PIK3R5: variants seen among roughly 807,000 people sequenced by gnomAD.
PIK3R5 encodes phosphoinositide 3-kinase regulatory subunit 5.
PIK3R5 carries 32 observed loss-of-function variants against 94.9 expected under a neutral mutation model. The observed-to-expected ratio is 0.34, with a 90% CI of 0.25 to 0.45. The LOEUF is 0.45. PIK3R5 is among the 20% of genes least tolerant of loss of function. PIK3R5 has a pLI of 1.00. For missense variants in PIK3R5, 853 were observed against 1,144.6 expected, an observed-to-expected ratio of 0.75 and a Z score of 3.68; for synonymous variants, 443 against 479.4, an observed-to-expected ratio of 0.92 and a Z score of 0.99.
rs2091459774 is a variant in PIK3R5 at position 8,955,959 on chromosome 17, A to T, written c.-14+9637T>A. Among the ~76,000 whole-genome samples, 1 of 152,158 alleles carries T rather than the reference A, an allele frequency of 6.6e-6. No homozygotes were observed. The highest frequency in any genetic ancestry group is 1.5e-5 in the Non-Finnish European group (1 of 68,024). On this transcript the variant is annotated intron_variant, in intron 1 of 18. Coordinates refer to ENST00000447110, the MANE Select transcript of PIK3R5 (RefSeq NM_001142633.3). The surrounding 1 kb of genome is among the most constrained non-coding windows in gnomAD (Gnocchi z 4.4). Reference sequence around the variant, plus strand: ...CACTTGAGCCCAGGAGTTTGAGAACAGCCTGGGCAACATAGTGAGACCCTG... The same window carrying T: ...CACTTGAGCCCAGGAGTTTGAGAACTGCCTGGGCAACATAGTGAGACCCTG...
In PIK3R5 at chr17:8,888,002, A is replaced by AAATAATAATAATAAT. The variant is rs71135929; in HGVS notation, c.1616+154_1616+168dup. ...GGCAACAGAGCAAGACTCTGTCTCA[A>AAATAATAATAATAAT]AATAATAATAATAATAATAATAATA... is the stretch of plus-strand genomic sequence containing the variant. On this transcript the variant is annotated intron_variant, in intron 10 of 18. Transcript: ENST00000447110. The surrounding 1 kb of genome is among the most constrained non-coding windows in gnomAD (Gnocchi z 7.8). Among the ~76,000 whole-genome samples the AAATAATAATAATAAT allele has an allele frequency of 7.7e-6, 1 of 129,528 alleles. No homozygotes were observed. The highest frequency in any genetic ancestry group is 2.9e-5 in the African/African-American group (1 of 34,652). The allele number at this position is 129,528 out of a possible 152,430, so 85.0% of individuals were successfully genotyped here.
chr17:8,930,061 A>T (rs2090960698), intron 1 of PIK3R5, among the ~76,000 whole-genome samples: 1 of 152,262 alleles, frequency 6.6e-6, no homozygotes, highest in South Asian at 2.1e-4. Context: ...AGGATGCATA[A>T]GAATTCAACA....
intron 5 of PIK3R5, among the ~76,000 whole-genome samples, chr17:8,903,027 T>C (rs1011677186): frequency 6.6e-6 from 1 of 152,068 alleles, no homozygotes; most frequent in African/African-American, 2.4e-5. Flanking sequence ...CTATTTTTAG[T>C]AGAGATGGGG....
intron 5 of PIK3R5, among the ~76,000 whole-genome samples, chr17:8,903,481 AATTT>A (rs1381229345): frequency 2.7e-5 from 4 of 149,894 alleles, no homozygotes; most frequent in Admixed American, 6.6e-5. Context: ...TTTATATATA[AATTT>A]ATTTATTTGT....
chr17:8,924,673 C>T (rs1205429936), intron 1 of PIK3R5, among the ~76,000 whole-genome samples: 3 of 152,170 alleles, frequency 2.0e-5, no homozygotes, highest in Non-Finnish European at 2.9e-5. Flanking sequence ...CTCCTTTTTA[C>T]TCTCTTTGAA....
In PIK3R5 at chr17:8,881,591, C is replaced by G. The variant is rs772250141; in HGVS notation, c.2382+39G>C. 5 of 1,346,788 alleles carry G rather than the reference C, an allele frequency of 3.7e-6. No individual in the cohort carries two copies. In the African/African-American group the frequency reaches 6.4e-5, roughly 17 times the overall value. The allele number at this position is 1,346,788 out of a possible 1,614,324, so 83.4% of individuals were successfully genotyped here. A position where few individuals can be genotyped will look rare whatever the true frequency, so the allele number is the denominator to read the frequency against. On this transcript the variant is annotated intron_variant, in intron 17 of 18. Transcript: ENST00000447110. This position sits in a 1 kb window ranked among gnomAD's most constrained non-coding sequence, Gnocchi z 4.8. ...TACGCACATGCACGCTCCAGTAAGT[C>G]TCTTGAGGGTATGGCTGGAAGGAGA...
chr17:8,955,991 C>CA lies in PIK3R5; in HGVS notation c.-14+9604dup, dbSNP rs1269486945. ...GCAACATAGTGAGACCCTGTCTCTA[C>CA]AAAAAACACACACAAAAAATTAGCT... On this transcript the variant is annotated intron_variant, in intron 1 of 18. Transcript: ENST00000447110. This position sits in a 1 kb window ranked among gnomAD's most constrained non-coding sequence, Gnocchi z 4.4. Among the ~76,000 whole-genome samples the CA allele has an allele frequency of 1.3e-5, 2 of 152,028 alleles. No individual in the cohort carries two copies. The highest frequency in any genetic ancestry group is 1.3e-4 in the Admixed American group (2 of 15,268).
In PIK3R5 at chr17:8,886,489, G is replaced by T; in HGVS notation, c.2022C>A (p.Val674=). 6.2e-7 allele frequency: 1 copy of T among 1,606,504 alleles called. No individual in the cohort carries two copies. The highest frequency in any genetic ancestry group is 8.5e-7 in the Non-Finnish European group (1 of 1,175,974). The part of the protein sequence containing the change: ...RFAARPVLLQ[V]YQTELTFITG... ...AGGGAGGCCTTACCTCGGTCTGATA[G>T]ACTTGCAGCAGCACCGGTCTGGCGG... Residue 674 remains valine, a synonymous_variant, in exon 13 of 19, where the codon GTC becomes GTA. Transcript: ENST00000447110.
Position 8,935,887 on chromosome 17 carries a change from T to C in PIK3R5, c.-13-24380A>G, listed in dbSNP as rs1458837057. On this transcript the variant is annotated intron_variant, in intron 1 of 18. Transcript: ENST00000447110. The surrounding 1 kb of genome is among the most constrained non-coding windows in gnomAD (Gnocchi z 4.5). ...GGCTAACGCAGTGAAACCCGATCTC[T>C]ACTAAAAATACAAAAAATTAGCCGG... Among the ~76,000 whole-genome samples, 2 of 152,020 alleles carry C rather than the reference T, an allele frequency of 1.3e-5. No individual in the cohort carries two copies.
chr17:8,911,384 G>A lies in PIK3R5; in HGVS notation c.103+8C>T. On this transcript the variant is annotated splice_region_variant and intron_variant, in intron 2 of 18. Coordinates refer to ENST00000447110, the MANE Select transcript of PIK3R5 (RefSeq NM_001142633.3). The surrounding 1 kb of genome is among the most constrained non-coding windows in gnomAD (Gnocchi z 5.3). ...CCTCAAACACCTCCCCGGCTCCCTTGGACCGACCTGACCAGGAGGTGGAGC... is the reference window on the plus strand; with the variant it reads ...CCTCAAACACCTCCCCGGCTCCCTTAGACCGACCTGACCAGGAGGTGGAGC... 6.3e-7 allele frequency: 1 copy of A among 1,597,904 alleles called. No individual in the cohort carries two copies. Among genetic ancestry groups the A allele is most frequent in the Non-Finnish European group, 8.5e-7 (1 of 1,178,284 alleles).
chr17:8,964,150 G>C (rs1473378724), intron 1 of PIK3R5, among the ~76,000 whole-genome samples: 2 of 152,120 alleles, frequency 1.3e-5, no homozygotes, highest in African/African-American at 4.8e-5. Context: ...CAGCACTTTG[G>C]AAGGCCAAGG....
At chr17:8,912,297 C>T (rs573056239) in intron 1 of PIK3R5, among the ~76,000 whole-genome samples, 3 of 152,188 alleles carry the variant, frequency 2.0e-5, no homozygotes, top group Non-Finnish European at 4.4e-5. Context: ...CTGGGGAAGC[C>T]ACGGAAGGTG....
chr17:8,910,593 G>T (rs1032136363), intron 2 of PIK3R5, among the ~76,000 whole-genome samples: 1 of 152,220 alleles, frequency 6.6e-6, no homozygotes, highest in African/African-American at 2.4e-5. Flanking sequence ...GCGCAGGGTT[G>T]TAAAGCCAAT....
At chr17:8,950,739 A>G (rs1046724835) in intron 1 of PIK3R5, among the ~76,000 whole-genome samples, 1 of 152,140 alleles carries the variant, frequency 6.6e-6, no homozygotes, top group African/African-American at 2.4e-5. Flanking sequence ...GCTATTGTGA[A>G]TAGTGGGGTG....
intron 14 of PIK3R5, among the ~76,000 whole-genome samples, chr17:8,885,343 G>C (rs1469886055): frequency 3.0e-3 from 159 of 52,184 alleles, no homozygotes; most frequent in Middle Eastern, 0.015. Flanking sequence ...GCCCTGCCTC[G>C]TGGGTAACTC....
At chr17:8,963,315 G>GGAA in intron 1 of PIK3R5, among the ~76,000 whole-genome samples, 1 of 152,060 alleles carries the variant, frequency 6.6e-6, no homozygotes, top group East Asian at 1.9e-4. Flanking sequence ...CCCAAGCTGG[G>GGAA]GCTTCCAAAC....
Position 8,893,491 on chromosome 17 carries a change from C to T in PIK3R5, c.482+95G>A. On this transcript the variant is annotated intron_variant, in intron 6 of 18. Coordinates refer to ENST00000447110, the MANE Select transcript of PIK3R5 (RefSeq NM_001142633.3). The surrounding 1 kb of genome is among the most constrained non-coding windows in gnomAD (Gnocchi z 5.1). Reference sequence around the variant, plus strand: ...CTGGGGTGGACAGGGGGTGGGGGCACTGGATGTTTGAGTGGGGGAGGAGGG... The same window carrying T: ...CTGGGGTGGACAGGGGGTGGGGGCATTGGATGTTTGAGTGGGGGAGGAGGG... 2.0e-6 allele frequency: 2 copies of T among 990,478 alleles called. No individual in the cohort carries two copies. The highest frequency in any genetic ancestry group is 1.6e-6 in the Non-Finnish European group (1 of 624,364). The allele number at this position is 990,478 out of a possible 1,614,324, so 61.4% of individuals were successfully genotyped here.
Position 8,892,436 on chromosome 17 carries a change from A to G in PIK3R5, c.482+1150T>C, listed in dbSNP as rs1321022974. ...ATAATGAAAGTGAGACCATCTCCCAACTGTAAGCTCTTTCTACAAATCTCT... is the reference window on the plus strand; with the variant it reads ...ATAATGAAAGTGAGACCATCTCCCAGCTGTAAGCTCTTTCTACAAATCTCT... On this transcript the variant is annotated intron_variant, in intron 6 of 18. Coordinates refer to ENST00000447110, the MANE Select transcript of PIK3R5 (RefSeq NM_001142633.3). The surrounding 1 kb of genome is among the most constrained non-coding windows in gnomAD (Gnocchi z 4.3). 6.6e-6 allele frequency among the ~76,000 whole-genome samples: 1 copy of G among 151,578 alleles called. No individual in the cohort carries two copies. The highest frequency in any genetic ancestry group is 2.4e-5 in the African/African-American group (1 of 41,212).
chr17:8,936,035 C>T (rs1765887995), intron 1 of PIK3R5, among the ~76,000 whole-genome samples: 1 of 142,566 alleles, frequency 7.0e-6, no homozygotes, highest in Non-Finnish European at 1.5e-5. Flanking sequence ...GCCTGGGTGA[C>T]AGACCGAGAC....
Sources: gnomAD v4.1 joint callset for allele counts (sites outside exome capture counted in the v4.1 genomes callset) on GRCh38, gnomAD v4.1.1 for gene constraint, Gnocchi (gnomAD v3.1) non-coding constraint, MANE v1.5 for transcripts, NCBI Gene and HGNC (gene_info 2026-07-23, HGNC 2026-07-21) for gene names.